DSCAML1: variants seen among roughly 807,000 people sequenced by gnomAD.
DSCAML1 encodes the protein DS cell adhesion molecule like 1.
In DSCAML1, 38 loss-of-function variants were observed where a neutral mutation model predicts 200.5. The observed-to-expected ratio is 0.19, with a 90% CI of 0.15 to 0.25. The LOEUF (loss-of-function observed/expected upper bound fraction) is 0.25. Among genes scored for constraint, DSCAML1 ranks in the 10% least tolerant of loss-of-function variants. DSCAML1 has a pLI of 1.00. For synonymous variants in DSCAML1, 1,215 were observed against 1,165.0 expected (o/e 1.04, Z -0.87); for missense variants, 2,223 against 2,858.8 (o/e 0.78, Z 5.07).
intron 14 of DSCAML1, among the ~76,000 whole-genome samples, chr11:117,477,695 A>G (rs1350114667): frequency 6.6e-6 from 1 of 152,106 alleles, no homozygotes; most frequent in Non-Finnish European, 1.5e-5. Context: ...CCTCTAAACA[A>G]TCCCATGAGG....
chr11:117,660,071 T>C (rs559641907), intron 3 of DSCAML1, among the ~76,000 whole-genome samples: 2 of 152,316 alleles, frequency 1.3e-5, no homozygotes, highest in African/African-American at 4.8e-5. Context: ...CAGTTCTCTC[T>C]TTTCATATCA....
chr11:117,486,411 T>C (rs944675946), intron 11 of DSCAML1, among the ~76,000 whole-genome samples: 4 of 150,170 alleles, frequency 2.7e-5, no homozygotes, highest in Non-Finnish European at 4.5e-5. Flanking sequence ...GATGGGAAAG[T>C]GGCGGATGTG....
At chr11:117,685,008 A>G (rs924795863) in intron 3 of DSCAML1, among the ~76,000 whole-genome samples, 1 of 152,218 alleles carries the variant, frequency 6.6e-6, no homozygotes, top group Non-Finnish European at 1.5e-5. Flanking sequence ...TCTCCTGTTG[A>G]GGCCCCTGTC....
At chr11:117,641,286 C>T (rs1191617107) in intron 3 of DSCAML1, among the ~76,000 whole-genome samples, 3 of 152,248 alleles carry the variant, frequency 2.0e-5, no homozygotes, top group African/African-American at 7.2e-5. Context: ...TCATCACTCA[C>T]AAGGCTGCAG....
intron 1 of DSCAML1, among the ~76,000 whole-genome samples, chr11:117,816,545 G>GACTAATCTCCCCCAC (rs2134093333): frequency 6.6e-6 from 1 of 152,302 alleles, no homozygotes; most frequent in Non-Finnish European, 1.5e-5. Context: ...ACAGGGAGGC[G>GACTAATCTCCCCCAC]ACTAATCTCC....
chr11:117,686,835 CTGATGATGACGA>C (rs1344216422), intron 3 of DSCAML1, among the ~76,000 whole-genome samples: 1 of 152,154 alleles, frequency 6.6e-6, no homozygotes, highest in Admixed American at 6.5e-5. Context: ...ATCTACAAGC[CTGATGATGACGA>C]TGATGATGAT....
chr11:117,812,850 A>G (rs202234193), intron 1 of DSCAML1, among the ~76,000 whole-genome samples: 1 of 146,410 alleles, frequency 6.8e-6, no homozygotes, highest in Non-Finnish European at 1.5e-5. Flanking sequence ...AGGACCGCAC[A>G]CTGTAGCCTT....
At chr11:117,657,929 A>G (rs2052766913) in intron 3 of DSCAML1, among the ~76,000 whole-genome samples, 1 of 152,188 alleles carries the variant, frequency 6.6e-6, no homozygotes, top group Admixed American at 6.5e-5. Flanking sequence ...ACTCTGGTGC[A>G]TACGCTGGCC....
At chr11:117,713,453 A>G (rs1322917528) in intron 3 of DSCAML1, among the ~76,000 whole-genome samples, 1 of 151,664 alleles carries the variant, frequency 6.6e-6, no homozygotes, top group Non-Finnish European at 1.5e-5. Flanking sequence ...CCCATCCCTA[A>G]TCAGTCACCA....
rs771529625 is a variant in DSCAML1, at chr11:117,780,554, G to A, written c.303C>T (p.Tyr101=). The A allele has an allele frequency of 1.3e-6, 2 of 1,540,656 alleles. No homozygotes were observed. The highest frequency in any genetic ancestry group is 1.2e-5 in the South Asian group (1 of 80,466). The change falls in exon 2 of 33, where the codon TAC becomes TAT. Residue 101 remains tyrosine, a synonymous_variant. Coordinates refer to ENST00000651296, the MANE Select transcript of DSCAML1 (RefSeq NM_020693.4). The surrounding 1 kb of genome is among the most constrained non-coding windows in gnomAD (Gnocchi z 4.8). ...CGGCAGCGTTCTCCGCGGTGCAGAAGTAGTCATTGTCGTGGATAAAGCTAT... is the reference window on the plus strand; with the variant it reads ...CGGCAGCGTTCTCCGCGGTGCAGAAATAGTCATTGTCGTGGATAAAGCTAT... The part of the protein sequence containing the change: ...AFNSFIHDND[Y]FCTAENAAGK...
At chr11:117,525,598 T>C (rs1369660528) in intron 4 of DSCAML1, among the ~76,000 whole-genome samples, 1 of 152,042 alleles carries the variant, frequency 6.6e-6, no homozygotes, top group African/African-American at 2.4e-5. Flanking sequence ...TAGCTGGGCC[T>C]ACAGGCACGC....
intron 8 of DSCAML1, among the ~76,000 whole-genome samples, chr11:117,506,090 T>TGCAGCTC (rs2137279563): frequency 6.6e-6 from 1 of 152,332 alleles, no homozygotes; most frequent in South Asian, 2.1e-4. Flanking sequence ...ATCCCAGTGA[T>TGCAGCTC]GCAGCTCACA....
intron 21 of DSCAML1, among the ~76,000 whole-genome samples, chr11:117,442,333 AGT>A (rs144505864): frequency 2.0e-5 from 3 of 150,100 alleles, no homozygotes; most frequent in Non-Finnish European, 4.4e-5. Context: ...TAGTGTGTAT[AGT>A]GTGTATGTGT....
At chr11:117,702,926 A>T (rs2053694462) in intron 3 of DSCAML1, among the ~76,000 whole-genome samples, 1 of 152,224 alleles carries the variant, frequency 6.6e-6, no homozygotes. Flanking sequence ...TGTAAAATAG[A>T]AGACTTTCTG....
At chr11:117,442,052 GTA>G (rs1216847797) in intron 21 of DSCAML1, among the ~76,000 whole-genome samples, 4 of 151,978 alleles carry the variant, frequency 2.6e-5, no homozygotes, top group Admixed American at 1.3e-4. Context: ...GTGTGTTAGT[GTA>G]TGTGTGTGCG....
At chr11:117,676,252 G>A (rs1262753957) in intron 3 of DSCAML1, among the ~76,000 whole-genome samples, 4 of 152,006 alleles carry the variant, frequency 2.6e-5, no homozygotes, top group Non-Finnish European at 4.4e-5. Flanking sequence ...CAATTCGAAG[G>A]CAGGGAATGA....
chr11:117,769,215 A>ATATATTATATATTT (rs2054962961), intron 3 of DSCAML1, among the ~76,000 whole-genome samples: 1 of 88,934 alleles, frequency 1.1e-5, no homozygotes. Flanking sequence ...TATATATTTT[A>ATATATTATATATTT]TATATATTGT....
At chr11:117,651,057 A>G (rs1279498438) in intron 3 of DSCAML1, among the ~76,000 whole-genome samples, 1 of 152,254 alleles carries the variant, frequency 6.6e-6, no homozygotes, top group East Asian at 1.9e-4. Flanking sequence ...CTTGGAGGTC[A>G]TGCCTGTGAC....
rs758498253 is a variant in DSCAML1, at chr11:117,428,765, C to T, written c.5725G>A (p.Ala1909Thr). The change falls in exon 33 of 33, where the codon GCC (alanine) becomes ACC (threonine). Residue 1909 changes from alanine to threonine, a missense_variant. Ala to Thr is a moderately conservative substitution (Grantham distance 58, BLOSUM62 0). Coordinates refer to ENST00000651296, the MANE Select transcript of DSCAML1 (RefSeq NM_020693.4). ...CGTCCATCTGCCTTTCGAAAGAAGG[C>T]CTCTGACTTGGCATACAGGGGCAGG... is the stretch of plus-strand genomic sequence containing the variant. ...CNLPLYAKSEAFFRKADGREP... is the reference protein window; with the variant it reads ...CNLPLYAKSETFFRKADGREP... 2.5e-6 allele frequency: 4 copies of T among 1,610,678 alleles called. No homozygotes were observed. In the South Asian group the frequency reaches 3.3e-5, roughly 13 times the overall value.
Sources: allele counts gnomAD v4.1 joint callset (sites outside exome capture counted in the v4.1 genomes callset), GRCh38; gene constraint gnomAD v4.1.1; non-coding constraint Gnocchi (gnomAD v3.1); transcripts MANE v1.5; gene names NCBI Gene and HGNC (gene_info 2026-07-23, HGNC 2026-07-21).